NTM: variants seen among roughly 807,000 people sequenced by gnomAD.
The protein encoded by NTM is IgLON family member 2.
NTM carries 13 observed loss-of-function variants against 42.1 expected under a neutral mutation model. The observed-to-expected ratio is 0.31, with a 90% CI of 0.20 to 0.49. The LOEUF (loss-of-function observed/expected upper bound fraction) is 0.49. Among genes scored for constraint, NTM ranks in the 20% least tolerant of loss-of-function variants. The pLI is 0.99. For missense variants in NTM, 373 were observed against 452.8 expected (o/e 0.82, Z 1.60); for synonymous variants, 187 against 179.2 (o/e 1.04, Z -0.35).
At chr11:131,641,274 T>C (rs191418881) in intron 1 of NTM, among the ~76,000 whole-genome samples, 7 of 152,360 alleles carry the variant, frequency 4.6e-5, no homozygotes, top group Admixed American at 4.6e-4. Context: ...GCTGCTGTGA[T>C]CTTAGAAAGC....
intron 1 of NTM, among the ~76,000 whole-genome samples, chr11:131,882,314 A>G (rs1205999089): frequency 6.6e-6 from 1 of 152,226 alleles, no homozygotes; most frequent in Non-Finnish European, 1.5e-5. Context: ...GTCCCAGCTC[A>G]GGTCCTCTGG....
intron 2 of NTM, among the ~76,000 whole-genome samples, chr11:131,999,335 C>G (rs1267008445): frequency 6.6e-6 from 1 of 152,120 alleles, no homozygotes; most frequent in Non-Finnish European, 1.5e-5. Flanking sequence ...TTAGCCAAGT[C>G]AATAATTCAA....
At chr11:132,234,963 A>T (rs2088490336) in intron 4 of NTM, among the ~76,000 whole-genome samples, 2 of 152,264 alleles carry the variant, frequency 1.3e-5, no homozygotes. Flanking sequence ...TATTGAATTA[A>T]ATCAGGACGG....
At chr11:131,374,607 C>T (rs1169071910) in intron 1 of NTM, among the ~76,000 whole-genome samples, 5 of 152,246 alleles carry the variant, frequency 3.3e-5, no homozygotes, top group African/African-American at 7.2e-5. Flanking sequence ...TGGTTCCCTG[C>T]CTGAGGTGAT....
At chr11:131,536,418 G>A (rs1419053132) in intron 1 of NTM, 1 of 152,154 alleles carries the variant, frequency 6.6e-6, no homozygotes, top group Admixed American at 6.5e-5. Flanking sequence ...ATAGAGTATG[G>A]AGCCCACAGG....
At chr11:131,789,636 A>AGAAGAAGGAAG (rs1555127949) in intron 1 of NTM, among the ~76,000 whole-genome samples, 1 of 30,900 alleles carries the variant, frequency 3.2e-5, no homozygotes, top group African/African-American at 1.2e-4. Flanking sequence ...AAGAAGAAGA[A>AGAAGAAGGAAG]AAGAAGAAGA....
chr11:131,640,926 G>A (rs567050370), intron 1 of NTM, among the ~76,000 whole-genome samples: 8 of 152,234 alleles, frequency 5.3e-5, no homozygotes, highest in South Asian at 2.1e-4. Flanking sequence ...CAAGTTACTC[G>A]TATTTTCCAG....
intron 1 of NTM, among the ~76,000 whole-genome samples, chr11:131,391,914 C>A (rs1281287820): frequency 6.6e-6 from 1 of 152,110 alleles, no homozygotes; most frequent in Admixed American, 6.5e-5. Flanking sequence ...GGAAAATAAC[C>A]AATCTTCTGC....
chr11:132,125,784 GTTGTGTGTTGTGTATCT>G (rs2065705651), intron 2 of NTM, among the ~76,000 whole-genome samples: 1 of 66,484 alleles, frequency 1.5e-5, no homozygotes, highest in South Asian at 4.2e-4. Context: ...GTGCATGTGT[GTTGTGTGTTGTGTATCT>G]GTGTGTGCTG....
chr11:131,675,149 A>G (rs2071154738), intron 1 of NTM, among the ~76,000 whole-genome samples: 1 of 152,156 alleles, frequency 6.6e-6, no homozygotes, highest in African/African-American at 2.4e-5. Flanking sequence ...CGAAGAGAGC[A>G]TTTATCTTTT....
chr11:131,910,592 G>C (rs1321757859), intron 1 of NTM, among the ~76,000 whole-genome samples: 1 of 150,942 alleles, frequency 6.6e-6, no homozygotes, highest in African/African-American at 2.4e-5. Context: ...TGACAACCCC[G>C]GCGGTCGGGG....
chr11:131,555,440 G>A (rs1410963543), intron 1 of NTM, among the ~76,000 whole-genome samples: 2 of 152,158 alleles, frequency 1.3e-5, no homozygotes, highest in Non-Finnish European at 2.9e-5. Flanking sequence ...AAACCCATAA[G>A]TAGTTTCCGG....
chr11:131,833,008 A>C (rs2043016653), intron 1 of NTM, among the ~76,000 whole-genome samples: 1 of 152,216 alleles, frequency 6.6e-6, no homozygotes, highest in African/African-American at 2.4e-5. Context: ...GTTAGAATTA[A>C]AGTTGTCATA....
intron 2 of NTM, among the ~76,000 whole-genome samples, chr11:132,072,080 C>G (rs917105709): frequency 1.3e-5 from 2 of 152,096 alleles, no homozygotes; most frequent in Non-Finnish European, 2.9e-5. Context: ...GCCTGATGCC[C>G]CCAAGTCAAT....
At chr11:131,489,754 G>A (rs903575268) in intron 1 of NTM, among the ~76,000 whole-genome samples, 1 of 152,160 alleles carries the variant, frequency 6.6e-6, no homozygotes, top group Non-Finnish European at 1.5e-5. Flanking sequence ...ACTAAAAGAA[G>A]CCACTTAGCA....
chr11:131,946,140 G>C lies in NTM; in HGVS notation c.167+34492G>C, dbSNP rs148207530. ...GGGGAGATAAATCAGGTGGGTAGAC[G>C]TTATAAACAGGCCTGGGAAGCTGGG... On this transcript the variant is annotated intron_variant, in intron 2 of 8. Transcript: ENST00000683400. 1.4e-4 allele frequency among the ~76,000 whole-genome samples: 22 copies of C among 152,264 alleles called. No individual in the cohort carries two copies. In the East Asian group the frequency reaches 4.1e-3, roughly 28 times the overall value.
intron 1 of NTM, among the ~76,000 whole-genome samples, chr11:131,899,227 T>G (rs915601811): frequency 1.3e-5 from 2 of 151,406 alleles, no homozygotes; most frequent in Non-Finnish European, 2.9e-5. Context: ...CAGTGAAGAG[T>G]GAAAGTTGGA....
At chr11:131,667,118 C>G (rs1240726371) in intron 1 of NTM, among the ~76,000 whole-genome samples, 1 of 152,160 alleles carries the variant, frequency 6.6e-6, no homozygotes, top group Non-Finnish European at 1.5e-5. Context: ...TTGGATCTTG[C>G]CATCCCACCT....
At chr11:131,934,988 G>T (rs1236656254) in intron 2 of NTM, among the ~76,000 whole-genome samples, 1 of 152,224 alleles carries the variant, frequency 6.6e-6, no homozygotes, top group Non-Finnish European at 1.5e-5. Flanking sequence ...GCCTCTTGGA[G>T]ACTGGCTTAT....
Sources: gnomAD v4.1 joint callset for allele counts (sites outside exome capture counted in the v4.1 genomes callset) on GRCh38, gnomAD v4.1.1 for gene constraint, MANE v1.5 for transcripts, NCBI Gene and HGNC (gene_info 2026-07-23, HGNC 2026-07-21) for gene names.